Variants in KLHL11 observed in about 807,000 individuals in gnomAD.
The protein encoded by KLHL11 is kelch-like protein 11.
In KLHL11, 26 loss-of-function variants were observed where a neutral mutation model predicts 56.1. The observed-to-expected ratio is 0.46, with a 90% CI of 0.34 to 0.64. The LOEUF is 0.64. Among genes scored for constraint, KLHL11 ranks in the 30% least tolerant of loss-of-function variants. The pLI, the probability that KLHL11 is intolerant of heterozygous loss-of-function variation, is 0.01. For missense variants in KLHL11, 627 were observed against 919.4 expected (o/e 0.68, Z 4.11); for synonymous variants, 338 against 345.8 (o/e 0.98, Z 0.25).
At position 41,853,789 on chromosome 17, in the gene KLHL11, C is replaced by A; in HGVS notation, c.2078G>T (p.Arg693Leu). ...CACTCGCCTCATGTTCAGGGCGTGA[C>A]GATGTATCTCTTGCATCTGTCTGAT... The part of the protein sequence containing the change: ...DRIRQMQEIH[R>L]HALNMRRVPS... The change falls in exon 2 of 2, where the codon CGT (arginine) becomes CTT (leucine). Residue 693 changes from arginine (R) to leucine (L), a missense_variant. Physicochemically the swap from Arg to Leu is moderately radical, Grantham distance 102. Transcript: ENST00000319121. 1 of 1,614,134 alleles carries A rather than the reference C, an allele frequency of 6.2e-7. No individual in the cohort carries two copies.
In KLHL11 at chr17:41,849,387, TTTAGAATTACAA is replaced by T. The variant is rs2048319483; in HGVS notation, c.*4341_*4352del. 6.6e-6 allele frequency: 1 copy of T among 152,102 alleles called. No homozygotes were observed. The highest frequency in any genetic ancestry group is 2.4e-5 in the African/African-American group (1 of 41,400). The allele number at this position is 152,102 out of a possible 1,614,324, so 9.4% of individuals were successfully genotyped here. ...TGTCTACATACAGTATAGTGTTGAC[TTTAGAATTACAA>T]AGCAGAAAATGAAATATTTTAAACA... On this transcript the variant is annotated 3_prime_UTR_variant, in exon 2 of 2. Coordinates refer to ENST00000319121, the MANE Select transcript of KLHL11 (RefSeq NM_018143.3).
In KLHL11 at chr17:41,853,616, A is replaced by T; in HGVS notation, c.*124T>A. The T allele has an allele frequency of 8.9e-7, 1 of 1,129,586 alleles. No homozygotes were observed. Among genetic ancestry groups the T allele is most frequent in the Non-Finnish European group, 1.2e-6 (1 of 813,218 alleles). 70.0% of individuals were successfully genotyped at this position (1,129,586 alleles called of 1,614,324 possible). On this transcript the variant is annotated 3_prime_UTR_variant, in exon 2 of 2. Transcript: ENST00000319121. The stretch of plus-strand genomic sequence containing the variant: ...TTTAGTTTTTAACTCTATTTCCTTT[A>T]TATGGGGTAATAATCAGTTCATGTA...
chr17:41,859,202 C>T (rs2048387398), intron 1 of KLHL11, among the ~76,000 whole-genome samples: 1 of 152,054 alleles, frequency 6.6e-6, no homozygotes, highest in Non-Finnish European at 1.5e-5. Flanking sequence ...GGATGCAAAG[C>T]AAACTCAAAC....
At position 41,854,685 on chromosome 17, in the gene KLHL11, A is replaced by G; in HGVS notation, c.1182T>C (p.His394=). ...CAACAGCATGTCCATCGAGGTGATT[A>G]TGAATATGTGGCAGATTTACCCATC... is the stretch of plus-strand genomic sequence containing the variant. ...EDRWVNLPHI[H]NHLDGHAVAV... Residue 394 remains histidine, a synonymous_variant, in exon 2 of 2, where the codon CAT becomes CAC. Transcript: ENST00000319121. The surrounding 1 kb of genome is among the most constrained non-coding windows in gnomAD (Gnocchi z 4.9). 2 of 1,614,208 alleles carry G rather than the reference A, an allele frequency of 1.2e-6. No homozygotes were observed. Among genetic ancestry groups the G allele is most frequent in the Admixed American group, 3.3e-5 (2 of 60,024 alleles).
intron 1 of KLHL11, among the ~76,000 whole-genome samples, chr17:41,856,936 C>G (rs1410362579): frequency 6.6e-6 from 1 of 151,934 alleles, no homozygotes; most frequent in Non-Finnish European, 1.5e-5. Context: ...AGGAGAATCA[C>G]TTGAATCTGG....
Position 41,852,436 on chromosome 17 carries a change from T to C in KLHL11, c.*1304A>G, listed in dbSNP as rs1234622215. ...AATCAGAAATAATAAGGCTTCTCTT[T>C]AGCAACATTTCTCTAAATTGTGACT... On this transcript the variant is annotated 3_prime_UTR_variant, in exon 2 of 2. Transcript: ENST00000319121. Among the ~76,000 whole-genome samples, 2 of 152,122 alleles carry C rather than the reference T, an allele frequency of 1.3e-5. No homozygotes were observed. The highest frequency in any genetic ancestry group is 4.8e-5 in the African/African-American group (2 of 41,424).
At chr17:41,856,965 A>G (rs982935769) in intron 1 of KLHL11, among the ~76,000 whole-genome samples, 11 of 151,978 alleles carry the variant, frequency 7.2e-5, no homozygotes, top group African/African-American at 9.7e-5. Flanking sequence ...GGTTATAGGG[A>G]GCTGAGATTG....
In KLHL11 at chr17:41,850,938, C is replaced by A. The variant is rs1555621962; in HGVS notation, c.*2802G>T. The A allele has an allele frequency of 1.3e-5, 2 of 152,210 alleles. No homozygotes were observed. Among genetic ancestry groups the A allele is most frequent in the East Asian group, 3.9e-4 (2 of 5,186 alleles). The allele number at this position is 152,210 out of a possible 1,614,324, so 9.4% of individuals were successfully genotyped here. ...AAATTTCAAGTTCTTAGTATAGAGC[C>A]CAAGACCTACAACTTGCAGCAAATA... is the stretch of plus-strand genomic sequence containing the variant. On this transcript the variant is annotated 3_prime_UTR_variant, in exon 2 of 2. Transcript: ENST00000319121.
Position 41,850,370 on chromosome 17 carries a change from G to C in KLHL11, c.*3370C>G, listed in dbSNP as rs1330841721. 1 of 151,990 alleles carries C rather than the reference G, an allele frequency of 6.6e-6. No individual in the cohort carries two copies. Among genetic ancestry groups the C allele is most frequent in the Non-Finnish European group, 1.5e-5 (1 of 67,984 alleles). 9.4% of individuals were successfully genotyped at this position (151,990 alleles called of 1,614,324 possible). On this transcript the variant is annotated 3_prime_UTR_variant, in exon 2 of 2. Coordinates refer to ENST00000319121, the MANE Select transcript of KLHL11 (RefSeq NM_018143.3). ...CTGCCTGCTAAGTTAAAAAACAACA[G>C]TTTCAATCAAGGTTTTAAAACCAGA...
In KLHL11 at chr17:41,853,678, C is replaced by A; in HGVS notation, c.*62G>T. The A allele has an allele frequency of 4.6e-6, 7 of 1,521,376 alleles. No individual in the cohort carries two copies. Among genetic ancestry groups the A allele is most frequent in the Non-Finnish European group, 6.2e-6 (7 of 1,133,152 alleles). 94.2% of individuals were successfully genotyped at this position (1,521,376 alleles called of 1,614,324 possible). A position where few individuals can be genotyped will look rare whatever the true frequency, so the allele number is the denominator to read the frequency against. On this transcript the variant is annotated 3_prime_UTR_variant, in exon 2 of 2. Coordinates refer to ENST00000319121, the MANE Select transcript of KLHL11 (RefSeq NM_018143.3). ...ATCGACATACTTTTTTAAATAACAGCCTGGGTATCTTCAGCTTCACGAAAC... is the reference window on the plus strand; with the variant it reads ...ATCGACATACTTTTTTAAATAACAGACTGGGTATCTTCAGCTTCACGAAAC...
intron 1 of KLHL11, among the ~76,000 whole-genome samples, chr17:41,861,061 A>C (rs1555623027): frequency 1.3e-5 from 2 of 152,296 alleles, no homozygotes; most frequent in African/African-American, 4.8e-5. Context: ...AGATCGAGGA[A>C]AGACGCACTC....
In KLHL11 at chr17:41,865,308, C is replaced by T. The variant is rs554076347; in HGVS notation, c.63G>A (p.Leu21=). 4.0e-4 allele frequency: 627 copies of T among 1,551,638 alleles called. 2 individuals carry two copies. In the African/African-American group the frequency reaches 7.9e-3, roughly 20 times the overall value. Residue 21 remains leucine, a synonymous_variant, in exon 1 of 2, where the codon CTG becomes CTA. Coordinates refer to ENST00000319121, the MANE Select transcript of KLHL11 (RefSeq NM_018143.3). The stretch of plus-strand genomic sequence containing the variant: ...CGGCCGTCTCCATGCTCTCCATCTC[C>T]AGTACCTGAAGAGATGCAGCCGCGG... ...AAAAAASLQV[L]EMESMETAAA...
At chr17:41,861,033 T>C (rs1461480883) in intron 1 of KLHL11, among the ~76,000 whole-genome samples, 1 of 152,222 alleles carries the variant, frequency 6.6e-6, no homozygotes, top group Non-Finnish European at 1.5e-5. Context: ...AGGCTTTCTC[T>C]GAGGCCTCCC....
At chr17:41,860,778 C>G (rs1436457684) in intron 1 of KLHL11, among the ~76,000 whole-genome samples, 1 of 152,128 alleles carries the variant, frequency 6.6e-6, no homozygotes, top group East Asian at 1.9e-4. Flanking sequence ...ACTTCATCTT[C>G]CCACCACCCA....
At position 41,865,020 on chromosome 17, in the gene KLHL11, G is replaced by A. The variant is rs782303127; in HGVS notation, c.351C>T (p.Ala117=). ...GCAGGGGCGTGAAGTACTCGGTGGCGGCAGCCAGTACCGAGCGGTGGGCCC... is the reference window on the plus strand; with the variant it reads ...GCAGGGGCGTGAAGTACTCGGTGGCAGCAGCCAGTACCGAGCGGTGGGCCC... ...EFRAHRSVLA[A]ATEYFTPLLS... is the part of the protein sequence containing the mutation. The change falls in exon 1 of 2, where the codon GCC becomes GCT. Residue 117 remains alanine, a synonymous_variant. Coordinates refer to ENST00000319121, the MANE Select transcript of KLHL11 (RefSeq NM_018143.3). 12 of 1,599,688 alleles carry A rather than the reference G, an allele frequency of 7.5e-6. No individual in the cohort carries two copies. The South Asian group carries it at 1.0e-4, about 13-fold the overall frequency.
intron 1 of KLHL11, among the ~76,000 whole-genome samples, chr17:41,855,924 C>T (rs1275951670): frequency 6.6e-6 from 1 of 151,732 alleles, no homozygotes; most frequent in African/African-American, 2.4e-5. Context: ...TATCCGCCTC[C>T]CTCGGCCTCC....
At chr17:41,859,001 G>T (rs2048386053) in intron 1 of KLHL11, among the ~76,000 whole-genome samples, 1 of 152,184 alleles carries the variant, frequency 6.6e-6, no homozygotes, top group Admixed American at 6.5e-5. Context: ...CCCTTACTCA[G>T]ATTTAGGCTT....
At chr17:41,860,167 T>A (rs2048393806) in intron 1 of KLHL11, among the ~76,000 whole-genome samples, 2 of 152,138 alleles carry the variant, frequency 1.3e-5, no homozygotes, top group South Asian at 4.1e-4. Flanking sequence ...TGGGTGCCAG[T>A]GTCACCTGAT....
chr17:41,864,374 C>A lies in KLHL11; in HGVS notation c.545+452G>T, dbSNP rs146116097. Among the ~76,000 whole-genome samples the A allele has an allele frequency of 1.1e-3, 174 of 152,348 alleles. 3 individuals carry two copies. Among genetic ancestry groups the A allele is most frequent in the Middle Eastern group, 3.4e-3 (1 of 294 alleles). Reference sequence around the variant, plus strand: ...AGCCTCACTGGACTATATTTTAATTCTCTTCTCTAAGCCAAACTGGATCCT... The same window carrying A: ...AGCCTCACTGGACTATATTTTAATTATCTTCTCTAAGCCAAACTGGATCCT... On this transcript the variant is annotated intron_variant, in intron 1 of 1. Transcript: ENST00000319121.
Sources: gnomAD v4.1 joint callset for allele counts (sites outside exome capture counted in the v4.1 genomes callset) on GRCh38, gnomAD v4.1.1 for gene constraint, Gnocchi (gnomAD v3.1) non-coding constraint, MANE v1.5 for transcripts, NCBI Gene and HGNC (gene_info 2026-07-23, HGNC 2026-07-21) for gene names.